The following TRANK1 variants were observed in gnomAD, a reference collection of about 807,000 sequenced individuals.
TRANK1 encodes the protein tetratricopeptide repeat and ankyrin repeat containing 1.
TRANK1 carries 198 observed loss-of-function variants against 266.0 expected under a neutral mutation model. That is an observed-to-expected ratio of 0.74 (90% CI 0.66 to 0.84). The LOEUF is 0.84. Among genes scored for constraint, TRANK1 ranks in the 40% least tolerant of loss-of-function variants. TRANK1 has a pLI of 0.00. For synonymous variants in TRANK1, 1,396 were observed against 1,384.1 expected (o/e 1.01, Z -0.19); for missense variants, 3,326 against 3,634.6 (o/e 0.92, Z 2.18).
Position 36,857,089 on chromosome 3 carries a change from C to T in TRANK1, c.2633G>A (p.Arg878Gln), listed in dbSNP as rs374026192. The T allele has an allele frequency of 4.4e-5, 71 of 1,613,902 alleles. No individual in the cohort carries two copies. The highest frequency in any genetic ancestry group is 5.7e-5 in the Non-Finnish European group (67 of 1,179,896). ...NGEWTQGLQK[R>Q]LKHLKGSIQL... ...GATGCTTCCTTTCAGGTGCTTCAGT[C>T]GCTTCTGCAGGCCCTGGGTCCACTC... Residue 878 changes from arginine (R) to glutamine (Q), a missense_variant, in exon 13 of 24, where the codon CGA becomes CAA. Physicochemically the swap from Arg to Gln is conservative, Grantham distance 43 (BLOSUM62 1). Transcript: ENST00000645898. The surrounding 1 kb of genome is among the most constrained non-coding windows in gnomAD (Gnocchi z 4.3).
chr3:36,901,953 C>G (rs945438958), intron 3 of TRANK1, among the ~76,000 whole-genome samples: 3 of 152,130 alleles, frequency 2.0e-5, no homozygotes, highest in Non-Finnish European at 4.4e-5. Context: ...TCCTAAAATA[C>G]CTTTGGGAAG....
intron 8 of TRANK1, among the ~76,000 whole-genome samples, chr3:36,879,221 C>T (rs1305703747): frequency 2.0e-5 from 3 of 151,132 alleles, no homozygotes; most frequent in Non-Finnish European, 4.4e-5. Context: ...AACAAAACAA[C>T]CAGAATGATC....
At chr3:36,891,897 G>C (rs1194762666) in intron 7 of TRANK1, among the ~76,000 whole-genome samples, 1 of 152,124 alleles carries the variant, frequency 6.6e-6, no homozygotes, top group Non-Finnish European at 1.5e-5. Context: ...TCCTGGGAGT[G>C]TTGCCCAGCA....
At chr3:36,901,013 G>A (rs2079872446) in intron 3 of TRANK1, among the ~76,000 whole-genome samples, 1 of 151,452 alleles carries the variant, frequency 6.6e-6, no homozygotes, top group Non-Finnish European at 1.5e-5. Flanking sequence ...AACAATCAAA[G>A]AGAGGAGGAA....
At chr3:36,907,460 T>G (rs1392919656) in intron 2 of TRANK1, among the ~76,000 whole-genome samples, 2 of 72,690 alleles carry the variant, frequency 2.8e-5, no homozygotes, top group African/African-American at 1.9e-4. Flanking sequence ...AATTTATTGA[T>G]TTTTTTTTTT....
intron 5 of TRANK1, among the ~76,000 whole-genome samples, chr3:36,893,746 G>A (rs868530383): frequency 4.6e-5 from 7 of 152,072 alleles, no homozygotes; most frequent in African/African-American, 7.2e-5. Flanking sequence ...AAGAATTCCC[G>A]GCTCTGTTAT....
intron 11 of TRANK1, among the ~76,000 whole-genome samples, chr3:36,859,991 T>C (rs966821161): frequency 2.4e-4 from 36 of 152,282 alleles, no homozygotes; most frequent in African/African-American, 8.4e-4. Flanking sequence ...TCTTGTGTGT[T>C]ACTGTTATAT....
intron 8 of TRANK1, among the ~76,000 whole-genome samples, chr3:36,876,991 C>A (rs1039018848): frequency 2.6e-5 from 4 of 152,182 alleles, no homozygotes; most frequent in African/African-American, 4.8e-5. Flanking sequence ...ATTGTAACAA[C>A]AAGCACCCAC....
chr3:36,851,284 G>A, intron 15 of TRANK1: 1 of 987,568 alleles, frequency 1.0e-6, no homozygotes, highest in Non-Finnish European at 1.2e-6. Flanking sequence ...CAGGAACCAA[G>A]CCTCATTTGT....
intron 3 of TRANK1, among the ~76,000 whole-genome samples, chr3:36,899,936 G>A (rs774756049): frequency 1.7e-4 from 26 of 152,176 alleles, no homozygotes; most frequent in Non-Finnish European, 2.9e-4. Flanking sequence ...CTGGCTCACT[G>A]CTACCCTCTA....
chr3:36,837,192 C>G (rs1212226107), intron 20 of TRANK1, among the ~76,000 whole-genome samples: 1 of 152,194 alleles, frequency 6.6e-6, no homozygotes, highest in Non-Finnish European at 1.5e-5. Context: ...TATGCAGGTG[C>G]CACAAGAGTG....
At chr3:36,892,659 T>A (rs1383449255) in intron 6 of TRANK1, among the ~76,000 whole-genome samples, 1 of 151,980 alleles carries the variant, frequency 6.6e-6, no homozygotes, top group Non-Finnish European at 1.5e-5. Flanking sequence ...CGAAACCCCA[T>A]CTTTACCAAA....
At chr3:36,841,119 T>C (rs1383393801) in intron 18 of TRANK1, among the ~76,000 whole-genome samples, 1 of 152,206 alleles carries the variant, frequency 6.6e-6, no homozygotes, top group Non-Finnish European at 1.5e-5. Flanking sequence ...TGTGATTTCA[T>C]TGTCCTCATC....
At chr3:36,934,426 A>G (rs1334901104) in intron 1 of TRANK1, among the ~76,000 whole-genome samples, 1 of 152,198 alleles carries the variant, frequency 6.6e-6, no homozygotes, top group African/African-American at 2.4e-5. Flanking sequence ...CCCTTCAGGA[A>G]CTTTCCTCCT....
chr3:36,861,599 A>AT (rs1430910811), intron 10 of TRANK1, among the ~76,000 whole-genome samples: 1 of 151,808 alleles, frequency 6.6e-6, no homozygotes, highest in Non-Finnish European at 1.5e-5. Context: ...TTAATTCTTG[A>AT]TTTTTTATCA....
At chr3:36,938,746 C>T (rs2080457614) in intron 1 of TRANK1, among the ~76,000 whole-genome samples, 1 of 151,974 alleles carries the variant, frequency 6.6e-6, no homozygotes, top group African/African-American at 2.4e-5. Flanking sequence ...ATTGCCTGAG[C>T]TCAGCAGTTC....
chr3:36,851,805 C>T lies in TRANK1; in HGVS notation c.4801G>A (p.Gly1601Arg). ...TAAATTGTTAGCACAAGTGCTAACC[C>T]CAGCTCTTCTGGAATTTTCTCCTTT... ...TAKEKIPEEL[G>R]LALVLTIYEA... is the part of the protein sequence containing the mutation. Residue 1601 changes from glycine to arginine, a missense_variant, in exon 15 of 24, where the codon GGG becomes AGG. Coordinates refer to ENST00000645898, the MANE Select transcript of TRANK1 (RefSeq NM_001329998.2). The T allele has an allele frequency of 6.2e-7, 1 of 1,610,146 alleles. No individual in the cohort carries two copies. The highest frequency in any genetic ancestry group is 8.5e-7 in the Non-Finnish European group (1 of 1,178,124).
At position 36,921,101 on chromosome 3, in the gene TRANK1, C is replaced by T. The variant is rs2080207169; in HGVS notation, c.24-12647G>A. Among the ~76,000 whole-genome samples the T allele has an allele frequency of 2.0e-5, 3 of 152,192 alleles. 1 individual carries two copies. The South Asian group carries it at 6.2e-4, about 32-fold the overall frequency. ...GCTTTGACCTGAGTCACCCCCGGTC[C>T]CCTGTTCTGACCTAAGTCACCTTCG... On this transcript the variant is annotated intron_variant, in intron 1 of 23. Coordinates refer to ENST00000645898, the MANE Select transcript of TRANK1 (RefSeq NM_001329998.2).
At chr3:36,902,306 T>G (rs2079894867) in intron 3 of TRANK1, among the ~76,000 whole-genome samples, 1 of 152,232 alleles carries the variant, frequency 6.6e-6, no homozygotes, top group Admixed American at 6.5e-5. Context: ...CTCTTAAAGT[T>G]AAAGTACTCT....
Sources: gnomAD v4.1 joint callset for allele counts (sites outside exome capture counted in the v4.1 genomes callset) on GRCh38, gnomAD v4.1.1 for gene constraint, Gnocchi (gnomAD v3.1) non-coding constraint, MANE v1.5 for transcripts, NCBI Gene and HGNC (gene_info 2026-07-23, HGNC 2026-07-21) for gene names.